The following ZNF407 variants were observed in gnomAD, a reference collection of about 807,000 sequenced individuals.
ZNF407 encodes the protein zinc finger protein 407.
Under a neutral mutation model 131.2 loss-of-function variants are expected in ZNF407, and 17 were observed. That is an observed-to-expected ratio of 0.13 (90% CI 0.09 to 0.19). The LOEUF is 0.19. Ranked by LOEUF, ZNF407 falls within the 10% of genes least tolerant of loss-of-function variation. The pLI, the probability that ZNF407 is intolerant of heterozygous loss-of-function variation, is 1.00. For missense variants in ZNF407, 2,681 were observed against 2,830.6 expected (o/e 0.95, Z 1.20); for synonymous variants, 1,156 against 1,062.0 (o/e 1.09, Z -1.72).
At chr18:74,877,792 T>C (rs1398551364) in intron 5 of ZNF407, among the ~76,000 whole-genome samples, 1 of 152,216 alleles carries the variant, frequency 6.6e-6, no homozygotes, top group Non-Finnish European at 1.5e-5. Flanking sequence ...AATCTTGGTT[T>C]TATGTACCGT....
At chr18:74,630,695 A>G (rs1053421935) in intron 1 of ZNF407, among the ~76,000 whole-genome samples, 5 of 152,256 alleles carry the variant, frequency 3.3e-5, no homozygotes, top group African/African-American at 9.6e-5. Context: ...GAGAATTGAA[A>G]TATGGGAGTT....
intron 8 of ZNF407, among the ~76,000 whole-genome samples, chr18:74,950,714 C>T (rs965265423): frequency 2.6e-5 from 4 of 152,200 alleles, no homozygotes; most frequent in African/African-American, 7.2e-5. Flanking sequence ...TTTTGCTGCG[C>T]GTTAAGAAGC....
At chr18:74,651,965 A>G (rs775722735) in intron 3 of ZNF407, among the ~76,000 whole-genome samples, 1 of 152,170 alleles carries the variant, frequency 6.6e-6, no homozygotes, top group Non-Finnish European at 1.5e-5. Context: ...TACTGAGTAC[A>G]GACCAGTGAA....
chr18:74,667,888 G>A (rs1985993802), intron 3 of ZNF407, among the ~76,000 whole-genome samples: 1 of 152,142 alleles, frequency 6.6e-6, no homozygotes, highest in Admixed American at 6.5e-5. Context: ...CATGGTTTAA[G>A]TGCTCTAAAC....
rs1354638340 is a variant in ZNF407, at chr18:74,635,435, G to A, written c.4416G>A (p.Glu1472=). ...CTAGTGCCGGCCACATGAGAAATGAGCAGGCCAGTGTGGAGGAGCTTCCGG... is the reference window on the plus strand; with the variant it reads ...CTAGTGCCGGCCACATGAGAAATGAACAGGCCAGTGTGGAGGAGCTTCCGG... ...HLASAGHMRN[E]QASVEELPEG... The change falls in exon 2 of 9, where the codon GAG becomes GAA. Residue 1472 remains glutamate (E), a synonymous_variant. Coordinates refer to ENST00000299687, the MANE Select transcript of ZNF407 (RefSeq NM_017757.3). This position sits in a 1 kb window ranked among gnomAD's most constrained non-coding sequence, Gnocchi z 4.7. The A allele has an allele frequency of 1.2e-6, 2 of 1,613,496 alleles. No homozygotes were observed. The highest frequency in any genetic ancestry group is 1.3e-5 in the African/African-American group (1 of 74,926).
chr18:75,031,429 TA>T (rs1375982482), intron 8 of ZNF407, among the ~76,000 whole-genome samples: 3 of 152,240 alleles, frequency 2.0e-5, no homozygotes, highest in Admixed American at 1.3e-4. Context: ...TTTTTTTATG[TA>T]AAGGACATTG....
At chr18:74,887,164 A>AT (rs879796303) in intron 6 of ZNF407, among the ~76,000 whole-genome samples, 4 of 151,992 alleles carry the variant, frequency 2.6e-5, no homozygotes, top group East Asian at 1.9e-4. Flanking sequence ...AGCTTCACCT[A>AT]TTTTTTTTAT....
intron 4 of ZNF407, among the ~76,000 whole-genome samples, chr18:74,792,006 C>T (rs1438189143): frequency 6.6e-6 from 1 of 152,158 alleles, no homozygotes; most frequent in East Asian, 1.9e-4. Flanking sequence ...TATGGCACTG[C>T]CACTTACCGA....
At chr18:74,844,802 G>A (rs1432835752) in intron 4 of ZNF407, among the ~76,000 whole-genome samples, 1 of 152,188 alleles carries the variant, frequency 6.6e-6, no homozygotes, top group Admixed American at 6.5e-5. Context: ...CCCAGAGGGA[G>A]TGCCATGATA....
chr18:75,025,870 C>T (rs1161243820), intron 8 of ZNF407, among the ~76,000 whole-genome samples: 1 of 152,212 alleles, frequency 6.6e-6, no homozygotes, highest in Non-Finnish European at 1.5e-5. Flanking sequence ...TTAGCAAAAC[C>T]TGGATGTTCT....
At chr18:74,920,056 A>G (rs1466045604) in intron 7 of ZNF407, among the ~76,000 whole-genome samples, 1 of 152,152 alleles carries the variant, frequency 6.6e-6, no homozygotes, top group South Asian at 2.1e-4. Flanking sequence ...CCATCTTCAC[A>G]TTATTTTAGA....
At chr18:74,770,481 C>A (rs112155473) in intron 3 of ZNF407, among the ~76,000 whole-genome samples, 2 of 152,188 alleles carry the variant, frequency 1.3e-5, no homozygotes, top group East Asian at 3.9e-4. Context: ...CAGTCTCCCT[C>A]TTTTCCAACG....
intron 3 of ZNF407, among the ~76,000 whole-genome samples, chr18:74,714,894 T>C (rs1268107563): frequency 2.6e-5 from 4 of 152,168 alleles, no homozygotes; most frequent in African/African-American, 9.7e-5. Flanking sequence ...TTTTGCTTTT[T>C]CTTGCATAAA....
chr18:75,064,533 T>A lies in ZNF407; in HGVS notation c.*65T>A. On this transcript the variant is annotated 3_prime_UTR_variant, in exon 9 of 9. Transcript: ENST00000299687. Reference sequence around the variant, plus strand: ...AAGGTCCAGCTTCGGTGGGGGACCGTGTTCCCTGAGCTTCATCTGAAACCT... The same window carrying A: ...AAGGTCCAGCTTCGGTGGGGGACCGAGTTCCCTGAGCTTCATCTGAAACCT... 7.4e-7 allele frequency: 1 copy of A among 1,343,992 alleles called. No individual in the cohort carries two copies. The highest frequency in any genetic ancestry group is 9.9e-7 in the Non-Finnish European group (1 of 1,006,174). The allele number at this position is 1,343,992 out of a possible 1,614,324, so 83.3% of individuals were successfully genotyped here. A position where few individuals can be genotyped will look rare whatever the true frequency, so the allele number is the denominator to read the frequency against.
At chr18:75,056,919 T>A (rs1239252977) in intron 8 of ZNF407, among the ~76,000 whole-genome samples, 11 of 152,340 alleles carry the variant, frequency 7.2e-5, no homozygotes, top group Non-Finnish European at 1.5e-4. Flanking sequence ...CTGTTAATAT[T>A]GTTTCATTTT....
At chr18:74,623,180 GA>G (rs1471385801) in intron 1 of ZNF407, among the ~76,000 whole-genome samples, 1 of 151,698 alleles carries the variant, frequency 6.6e-6, no homozygotes. Context: ...GTGTGAATGT[GA>G]ATCCGTGTGT....
At position 74,634,125 on chromosome 18, in the gene ZNF407, G is replaced by C; in HGVS notation, c.3106G>C (p.Val1036Leu). The change falls in exon 2 of 9, where the codon GTA becomes CTA. Residue 1036 changes from valine to leucine, a missense_variant. Val to Leu is a conservative substitution (Grantham distance 32, BLOSUM62 1). Transcript: ENST00000299687. ...CTCCTCTGCTTCTCTAGAGCTGCAT[G>C]TAAAACGGAAACATACAAAAGAGTT... ...AHSSASLELH[V>L]KRKHTKEFEF... is the part of the protein sequence containing the mutation. 6.2e-7 allele frequency: 1 copy of C among 1,614,060 alleles called. No individual in the cohort carries two copies. Among genetic ancestry groups the C allele is most frequent in the Non-Finnish European group, 8.5e-7 (1 of 1,179,908 alleles).
intron 4 of ZNF407, among the ~76,000 whole-genome samples, chr18:74,815,241 G>C (rs779038732): frequency 2.0e-5 from 3 of 152,102 alleles, no homozygotes; most frequent in East Asian, 3.9e-4. Context: ...TTTAGAGTTG[G>C]GTTCTCACTA....
chr18:74,885,571 A>G (rs1459396970), intron 6 of ZNF407, among the ~76,000 whole-genome samples: 1 of 152,232 alleles, frequency 6.6e-6, no homozygotes, highest in African/African-American at 2.4e-5. Flanking sequence ...ACTTGATGTC[A>G]AGACTTATTA....
Sources: gnomAD v4.1 joint callset for allele counts (sites outside exome capture counted in the v4.1 genomes callset) on GRCh38, gnomAD v4.1.1 for gene constraint, Gnocchi (gnomAD v3.1) non-coding constraint, MANE v1.5 for transcripts, NCBI Gene and HGNC (gene_info 2026-07-23, HGNC 2026-07-21) for gene names.